Variants in GRM8 observed in about 807,000 individuals in gnomAD.
The protein encoded by GRM8 is metabotropic glutamate receptor 8.
A neutral mutation model predicts 87.2 loss-of-function variants in GRM8; 47 were observed. That is an observed-to-expected ratio of 0.54 (90% confidence interval 0.43 to 0.69). GRM8 has a LOEUF of 0.69. Among genes scored for constraint, GRM8 ranks in the 30% least tolerant of loss-of-function variants. GRM8 has a pLI of 0.00. For missense variants in GRM8, 1,019 were observed against 1,139.2 expected (o/e 0.89, Z 1.52); for synonymous variants, 396 against 404.5 (o/e 0.98, Z 0.25).
At chr7:126,479,381 G>A (rs1366906705) in intron 9 of GRM8, among the ~76,000 whole-genome samples, 2 of 151,952 alleles carry the variant, frequency 1.3e-5, no homozygotes, top group Non-Finnish European at 2.9e-5. Context: ...TACTCTCCAT[G>A]AGCCTTCCCC....
chr7:126,531,742 A>G (rs1010025925), intron 9 of GRM8, among the ~76,000 whole-genome samples: 5 of 152,220 alleles, frequency 3.3e-5, no homozygotes, highest in Non-Finnish European at 4.4e-5. Flanking sequence ...TTGTCCAAAA[A>G]TAGTTGAAGG....
intron 3 of GRM8, among the ~76,000 whole-genome samples, chr7:126,996,327 T>C (rs1813171962): frequency 6.6e-6 from 1 of 151,974 alleles, no homozygotes; most frequent in Middle Eastern, 3.4e-3. Flanking sequence ...AATTGTGGTG[T>C]GTAAACTATG....
chr7:127,214,734 CCT>C (rs1167539616), intron 2 of GRM8, among the ~76,000 whole-genome samples: 29 of 152,210 alleles, frequency 1.9e-4, no homozygotes, highest in African/African-American at 7.0e-4. Flanking sequence ...AGGTCCCTCC[CCT>C]GACAGGTGGG....
chr7:126,518,063 G>T (rs1222253241), intron 9 of GRM8, among the ~76,000 whole-genome samples: 1 of 152,026 alleles, frequency 6.6e-6, no homozygotes, highest in African/African-American at 2.4e-5. Context: ...TTTACAATTT[G>T]TCATGACAGG....
intron 3 of GRM8, among the ~76,000 whole-genome samples, chr7:127,072,426 C>A (rs545655551): frequency 2.6e-5 from 4 of 152,232 alleles, no homozygotes; most frequent in African/African-American, 4.8e-5. Flanking sequence ...GATCTTCAGC[C>A]TGGCCTTTAA....
intron 2 of GRM8, among the ~76,000 whole-genome samples, chr7:127,134,323 C>A (rs1468540647): frequency 1.3e-5 from 2 of 152,188 alleles, no homozygotes; most frequent in Admixed American, 1.3e-4. Context: ...GAGAAAATAT[C>A]TACTATGCTG....
At chr7:126,449,719 ACAGCTCAT>A (rs900336456) in intron 9 of GRM8, among the ~76,000 whole-genome samples, 1 of 151,876 alleles carries the variant, frequency 6.6e-6, no homozygotes, top group African/African-American at 2.4e-5. Context: ...TCTCAAAGTT[ACAGCTCAT>A]CAGAATGCAG....
chr7:126,520,807 C>T (rs2150789396), intron 9 of GRM8, among the ~76,000 whole-genome samples: 1 of 152,222 alleles, frequency 6.6e-6, no homozygotes, highest in South Asian at 2.1e-4. Context: ...TAGTGACTCC[C>T]TCTACTCATT....
intron 3 of GRM8, among the ~76,000 whole-genome samples, chr7:127,016,278 G>A (rs953540672): frequency 1.3e-5 from 2 of 152,066 alleles, no homozygotes; most frequent in Admixed American, 6.6e-5. Flanking sequence ...GAGTTAGACT[G>A]TAGCAGAAAT....
intron 9 of GRM8, among the ~76,000 whole-genome samples, chr7:126,447,969 C>G (rs1319364711): frequency 1.3e-5 from 2 of 152,080 alleles, no homozygotes; most frequent in Admixed American, 6.6e-5. Flanking sequence ...GGGATGTGTA[C>G]GTTTACGGCT....
At chr7:126,610,175 C>T (rs190895490) in intron 7 of GRM8, among the ~76,000 whole-genome samples, 7 of 152,270 alleles carry the variant, frequency 4.6e-5, no homozygotes, top group Non-Finnish European at 8.8e-5. Context: ...CCATTCCTCT[C>T]GGAAGTTTTC....
chr7:126,997,305 G>C (rs62468868), intron 3 of GRM8, among the ~76,000 whole-genome samples: 1 of 151,684 alleles, frequency 6.6e-6, no homozygotes, highest in Non-Finnish European at 1.5e-5. Flanking sequence ...GCAGTACTAA[G>C]AGGAAAATAT....
intron 9 of GRM8, among the ~76,000 whole-genome samples, chr7:126,451,508 T>G (rs1305483267): frequency 6.6e-6 from 1 of 151,670 alleles, no homozygotes; most frequent in Non-Finnish European, 1.5e-5. Flanking sequence ...CTGCCCTTGC[T>G]CTCTTCTGTT....
intron 6 of GRM8, among the ~76,000 whole-genome samples, chr7:126,786,542 T>A (rs2151656011): frequency 6.6e-6 from 1 of 152,268 alleles, no homozygotes; most frequent in African/African-American, 2.4e-5. Flanking sequence ...GTGTCCTCTA[T>A]CCCAACCTTC....
At chr7:127,034,976 A>T (rs1183293710) in intron 3 of GRM8, among the ~76,000 whole-genome samples, 3 of 152,202 alleles carry the variant, frequency 2.0e-5, no homozygotes, top group Admixed American at 6.5e-5. Context: ...AAAGCTAGGA[A>T]AGTGAGCATG....
intron 9 of GRM8, among the ~76,000 whole-genome samples, chr7:126,483,771 C>CCCTTCCTCCCCTCCTCCCTT (rs1563057768): frequency 2.7e-5 from 3 of 112,182 alleles, no homozygotes; most frequent in African/African-American, 6.9e-5. Flanking sequence ...CTCCCTCCCT[C>CCCTTCCTCCCCTCCTCCCTT]CCTTCCTCCC....
At chr7:127,098,256 T>G (rs945433699) in intron 3 of GRM8, among the ~76,000 whole-genome samples, 1 of 152,232 alleles carries the variant, frequency 6.6e-6, no homozygotes, top group Non-Finnish European at 1.5e-5. Context: ...AATTGTTTCC[T>G]TTCATTCATA....
chr7:126,596,948 AT>A, intron 8 of GRM8, among the ~76,000 whole-genome samples: 1 of 152,168 alleles, frequency 6.6e-6, no homozygotes, highest in Non-Finnish European at 1.5e-5. Flanking sequence ...AATAAAAATG[AT>A]TTTATAACAA....
At chr7:126,878,944 C>A (rs2088197225) in intron 6 of GRM8, among the ~76,000 whole-genome samples, 1 of 151,868 alleles carries the variant, frequency 6.6e-6, no homozygotes, top group South Asian at 2.1e-4. Flanking sequence ...AGGTCGATCA[C>A]CTGAGGTCAG....
Sources: gnomAD v4.1 joint callset for allele counts (sites outside exome capture counted in the v4.1 genomes callset) on GRCh38, gnomAD v4.1.1 for gene constraint, MANE v1.5 for transcripts, NCBI Gene and HGNC (gene_info 2026-07-23, HGNC 2026-07-21) for gene names.